Variants in SPATA6 observed in about 807,000 individuals in gnomAD.
SPATA6 encodes the protein spermatogenesis associated 6.
In SPATA6, 56 loss-of-function variants were observed where a neutral mutation model predicts 65.3. The ratio of observed to expected loss-of-function variants is 0.86; its 90% CI spans 0.69 to 1.07. The LOEUF is 1.07. SPATA6 is among the 50% of genes least tolerant of loss of function. The probability of loss-of-function intolerance (pLI) is 0.00; values close to 1 mark genes in which losing one functional copy is unlikely to be tolerated. For synonymous variants in SPATA6, 199 were observed against 213.2 expected (o/e 0.93, Z 0.58); for missense variants, 590 against 594.8 (o/e 0.99, Z 0.08).
At chr1:48,284,790 C>T in the SPATA6 span, among the ~76,000 whole-genome samples, 246 of 152,272 alleles carry the variant, frequency 1.6e-3, 1 homozygote, top group Non-Finnish European at 2.8e-3. Flanking sequence ...GCTCCCTGTT[C>T]CTTCCTCTGG....
intron 3 of SPATA6, among the ~76,000 whole-genome samples, chr1:48,419,674 A>G (rs1653137563): frequency 6.6e-6 from 1 of 152,218 alleles, no homozygotes. Flanking sequence ...AGGACAGAGC[A>G]CAATAAACTT....
the SPATA6 span, among the ~76,000 whole-genome samples, chr1:48,286,776 C>A: frequency 1.3e-5 from 2 of 152,112 alleles, no homozygotes; most frequent in African/African-American, 4.8e-5. Context: ...TGGCTCACAT[C>A]TGTAATCCCA....
rs533473378 is a variant in SPATA6 at position 48,443,498 on chromosome 1, C to A, written c.238+8054G>T. On this transcript the variant is annotated intron_variant, in intron 3 of 12. Transcript: ENST00000371847. Reference sequence around the variant, plus strand: ...CTCAAAGGATTTCTCAGACAGTTTGCAAGAAATAACAAAATCTATCCAGTA... The same window carrying A: ...CTCAAAGGATTTCTCAGACAGTTTGAAAGAAATAACAAAATCTATCCAGTA... Among the ~76,000 whole-genome samples, 11 of 152,286 alleles carry A rather than the reference C, an allele frequency of 7.2e-5. No homozygotes were observed. The East Asian group carries it at 1.7e-3, about 24-fold the overall frequency.
At chr1:48,421,922 G>A (rs1653378835) in intron 3 of SPATA6, among the ~76,000 whole-genome samples, 1 of 152,022 alleles carries the variant, frequency 6.6e-6, no homozygotes, top group African/African-American at 2.4e-5. Context: ...AAATTAAAGA[G>A]ATTTATCTTA....
chr1:48,425,519 AAAG>A (rs1271921341), intron 3 of SPATA6, among the ~76,000 whole-genome samples: 1 of 152,192 alleles, frequency 6.6e-6, no homozygotes, highest in Non-Finnish European at 1.5e-5. Flanking sequence ...CAATCTTCAA[AAAG>A]AAGAATAAAC....
At chr1:48,425,665 T>A (rs898840052) in intron 3 of SPATA6, among the ~76,000 whole-genome samples, 16 of 152,326 alleles carry the variant, frequency 1.1e-4, no homozygotes, top group Admixed American at 1.0e-3. Flanking sequence ...TGCCTACATG[T>A]GCCCTAGCAG....
At chr1:48,419,039 T>C (rs185786720) in intron 3 of SPATA6, among the ~76,000 whole-genome samples, 82 of 152,308 alleles carry the variant, frequency 5.4e-4, no homozygotes, top group African/African-American at 1.9e-3. Context: ...CAACCTCAAC[T>C]ATTTGAAAAA....
At chr1:48,428,805 G>A (rs1654096238) in intron 3 of SPATA6, among the ~76,000 whole-genome samples, 1 of 112,712 alleles carries the variant, frequency 8.9e-6, no homozygotes, top group South Asian at 3.3e-4. Flanking sequence ...GTGTGTGTGT[G>A]TGTGTATATG....
At position 48,381,071 on chromosome 1, in the gene SPATA6, G is replaced by A. The variant is rs149778647; in HGVS notation, c.909+4238C>T. Among the ~76,000 whole-genome samples the A allele has an allele frequency of 2.5e-3, 385 of 152,222 alleles. 3 individuals carry two copies. Among genetic ancestry groups the A allele is most frequent in the African/African-American group, 8.5e-3 (353 of 41,530 alleles). ...TCATATGCACAGCACAGTAGGGTTC[G>A]TGCTCCTATGAGAATCTAATGCTGC... On this transcript the variant is annotated intron_variant, in intron 9 of 12. Transcript: ENST00000371847.
At chr1:48,342,791 T>G (rs1234182816) in intron 11 of SPATA6, among the ~76,000 whole-genome samples, 2 of 152,102 alleles carry the variant, frequency 1.3e-5, no homozygotes, top group Non-Finnish European at 2.9e-5. Flanking sequence ...TGTTCACACA[T>G]GGGTCCACTT....
chr1:48,449,303 C>T (rs1376132237), intron 3 of SPATA6, among the ~76,000 whole-genome samples: 1 of 152,166 alleles, frequency 6.6e-6, no homozygotes, highest in Non-Finnish European at 1.5e-5. Flanking sequence ...AGGAATCAGG[C>T]TGATGCTGCC....
chr1:48,384,986 A>T (rs1020728197), intron 9 of SPATA6, among the ~76,000 whole-genome samples: 1 of 152,200 alleles, frequency 6.6e-6, no homozygotes, highest in Non-Finnish European at 1.5e-5. Flanking sequence ...TCTATGAATG[A>T]CTGAAATTTG....
At chr1:48,278,975 C>T in the SPATA6 span, among the ~76,000 whole-genome samples, 164 of 151,972 alleles carry the variant, frequency 1.1e-3, no homozygotes, top group African/African-American at 3.8e-3. Context: ...AAACTAACAG[C>T]GGATCTCTCG....
At chr1:48,291,209 C>T (rs1644764946), downstream of SPATA6, among the ~76,000 whole-genome samples, 1 of 152,216 alleles carries the variant, frequency 6.6e-6, no homozygotes, top group Non-Finnish European at 1.5e-5. Flanking sequence ...TTGTGTTGGC[C>T]TCCAGCCAGG....
intron 8 of SPATA6, among the ~76,000 whole-genome samples, chr1:48,391,248 A>G (rs965650264): frequency 2.0e-5 from 3 of 150,980 alleles, no homozygotes; most frequent in Admixed American, 2.0e-4. Context: ...TGGTGCATGC[A>G]TGCCTGTAGT....
At chr1:48,275,231 A>T in the SPATA6 span, among the ~76,000 whole-genome samples, 1 of 152,076 alleles carries the variant, frequency 6.6e-6, no homozygotes, top group Non-Finnish European at 1.5e-5. Context: ...AGCTTAAGGA[A>T]ATTTTGGGCT....
rs868651644 is a variant in SPATA6 at position 48,307,548 on chromosome 1, T to C, written c.1195-1670A>G. 3.3e-5 allele frequency among the ~76,000 whole-genome samples: 5 copies of C among 151,330 alleles called. No individual in the cohort carries two copies. In the South Asian group the frequency reaches 8.3e-4, roughly 25 times the overall value. On this transcript the variant is annotated intron_variant, in intron 11 of 12. Coordinates refer to ENST00000371847, the MANE Select transcript of SPATA6 (RefSeq NM_019073.4). ...TCACATCTTATTATAAGCTATTAAC[T>C]ATGTATTGGTCTTTCTTGCTTTGTT...
At chr1:48,444,294 G>A (rs563866047) in intron 3 of SPATA6, among the ~76,000 whole-genome samples, 69 of 149,520 alleles carry the variant, frequency 4.6e-4, no homozygotes, top group Admixed American at 8.7e-4. Flanking sequence ...CTACCAAAAG[G>A]ATTGTGAATG....
At position 48,411,599 on chromosome 1, in the gene SPATA6, G is replaced by C; in HGVS notation, c.281-11C>G. The C allele has an allele frequency of 1.3e-6, 2 of 1,533,358 alleles. No individual in the cohort carries two copies. The highest frequency in any genetic ancestry group is 8.8e-7 in the Non-Finnish European group (1 of 1,141,868). The allele number at this position is 1,533,358 out of a possible 1,614,324, so 95.0% of individuals were successfully genotyped here. On this transcript the variant is annotated splice_polypyrimidine_tract_variant and intron_variant, in intron 4 of 12. Coordinates refer to ENST00000371847, the MANE Select transcript of SPATA6 (RefSeq NM_019073.4). Reference sequence around the variant, plus strand: ...ACAGTGTTTCACCCACTACAAGAAAGATACCCTATGATTCAAATTATAATA... The same window carrying C: ...ACAGTGTTTCACCCACTACAAGAAACATACCCTATGATTCAAATTATAATA...
Sources: gnomAD v4.1 joint callset for allele counts (sites outside exome capture counted in the v4.1 genomes callset) on GRCh38, gnomAD v4.1.1 for gene constraint, MANE v1.5 for transcripts, NCBI Gene and HGNC (gene_info 2026-07-23, HGNC 2026-07-21) for gene names.